Variants in TTLL1 observed in about 807,000 individuals in gnomAD.
TTLL1 encodes the protein polyglutamylase complex subunit TTLL1.
Under a neutral mutation model 47.8 loss-of-function variants are expected in TTLL1, and 33 were observed. That is an observed-to-expected ratio of 0.69 (90% CI 0.52 to 0.92). The LOEUF is 0.92. TTLL1 is among the 40% of genes least tolerant of loss of function. The pLI is 0.00. For missense variants in TTLL1, 488 were observed against 547.5 expected, an observed-to-expected ratio of 0.89 and a Z score of 1.08; for synonymous variants, 225 against 214.1, an observed-to-expected ratio of 1.05 and a Z score of -0.45.
intron 3 of TTLL1, among the ~76,000 whole-genome samples, chr22:43,070,588 T>C (rs6003032): frequency 0.012 from 1,770 of 152,270 alleles, 35 homozygotes; most frequent in African/African-American, 0.038. Flanking sequence ...GAAGGGTTGC[T>C]GTGGATTCCA....
At chr22:43,088,205 G>A (rs1363892636) in intron 1 of TTLL1, among the ~76,000 whole-genome samples, 1 of 151,858 alleles carries the variant, frequency 6.6e-6, no homozygotes, top group Non-Finnish European at 1.5e-5. Flanking sequence ...TGTTGAGCAG[G>A]GCATTCGTTC....
intron 1 of TTLL1, among the ~76,000 whole-genome samples, chr22:43,086,706 G>A (rs1313519372): frequency 2.0e-5 from 3 of 152,116 alleles, no homozygotes; most frequent in Admixed American, 2.0e-4. Context: ...CAGCAAATCA[G>A]GTCAGCTCCA....
chr22:43,067,428 C>T (rs961454299), intron 5 of TTLL1, among the ~76,000 whole-genome samples: 5 of 152,206 alleles, frequency 3.3e-5, no homozygotes, highest in East Asian at 1.9e-4. Context: ...CCTAGGGCCA[C>T]GAGTCCCAGG....
chr22:43,041,772 T>C (rs899876687), intron 10 of TTLL1, among the ~76,000 whole-genome samples: 8 of 152,156 alleles, frequency 5.3e-5, no homozygotes, highest in Non-Finnish European at 8.8e-5. Flanking sequence ...TGCCTCGGTC[T>C]CCCAAAGTGC....
intron 10 of TTLL1, among the ~76,000 whole-genome samples, chr22:43,043,832 A>G (rs1272456410): frequency 6.6e-6 from 1 of 151,814 alleles, no homozygotes; most frequent in Non-Finnish European, 1.5e-5. Flanking sequence ...AGTCACCTCC[A>G]GTCCTCCAGG....
chr22:43,088,322 A>ATTTTTTTTT (rs1929374802), intron 1 of TTLL1, among the ~76,000 whole-genome samples: 1 of 87,854 alleles, frequency 1.1e-5, no homozygotes, highest in African/African-American at 4.9e-5. Context: ...AGAAGGGCCC[A>ATTTTTTTTT]TCTTTTTTTT....
chr22:43,087,539 A>AAG lies in TTLL1; in HGVS notation c.-90+1736_-90+1737dup, dbSNP rs1181141964. 6.6e-3 allele frequency among the ~76,000 whole-genome samples: 1,002 copies of AAG among 150,904 alleles called. 13 individuals are homozygous for AAG. The highest frequency in any genetic ancestry group is 0.021 in the African/African-American group (864 of 40,968). On this transcript the variant is annotated intron_variant, in intron 1 of 10. Transcript: ENST00000266254. Reference sequence around the variant, plus strand: ...ACTCCATCTCAAAAAAAAAAAAAAAAAGAAATACAGATTCTTAGCAGGGCA... The same window carrying AAG: ...ACTCCATCTCAAAAAAAAAAAAAAAAAGAGAAATACAGATTCTTAGCAGGGCA...
At position 43,056,849 on chromosome 22, in the gene TTLL1, T is replaced by C. The variant is rs1015078936; in HGVS notation, c.891+2535A>G. ...TCATGGTCACCCAGACTGGAGTGCATTGGCGTGATCGTGGCTCACTGTACC... is the reference window on the plus strand; with the variant it reads ...TCATGGTCACCCAGACTGGAGTGCACTGGCGTGATCGTGGCTCACTGTACC... On this transcript the variant is annotated intron_variant, in intron 8 of 10. Coordinates refer to ENST00000266254, the MANE Select transcript of TTLL1 (RefSeq NM_012263.5). Among the ~76,000 whole-genome samples the C allele has an allele frequency of 1.8e-4, 27 of 152,124 alleles. 2 individuals carry two copies. Among genetic ancestry groups the C allele is most frequent in the Admixed American group, 1.4e-3 (21 of 15,266 alleles).
intron 2 of TTLL1, among the ~76,000 whole-genome samples, chr22:43,077,351 G>A (rs571348094): frequency 2.1e-4 from 32 of 152,220 alleles, no homozygotes; most frequent in Middle Eastern, 3.4e-3. Context: ...TGGCTAAGCC[G>A]CCTCCCACTC....
chr22:43,081,735 A>C (rs969777408), intron 1 of TTLL1, among the ~76,000 whole-genome samples: 1 of 149,514 alleles, frequency 6.7e-6, no homozygotes, highest in Non-Finnish European at 1.5e-5. Flanking sequence ...TTTACTAGAG[A>C]TGGGGGTTTC....
At chr22:43,075,723 T>C (rs2146987125) in intron 2 of TTLL1, 133 bp from the exon 3 acceptor site, 1 of 768,822 alleles carries the variant, frequency 1.3e-6, no homozygotes, top group South Asian at 1.6e-5. Context: ...CCAGGAGTGA[T>C]TCCATCTCCC....
At chr22:43,071,804 G>T (rs75771757) in intron 3 of TTLL1, among the ~76,000 whole-genome samples, 1,941 of 152,368 alleles carry the variant, frequency 0.013, 49 homozygotes, top group African/African-American at 0.045. Context: ...ATTCAGAAGT[G>T]TAGAGCCAGC....
chr22:43,075,578 C>A lies in TTLL1; in HGVS notation c.9G>T (p.Gly3=), dbSNP rs745972481. 5 of 1,614,138 alleles carry A rather than the reference C, an allele frequency of 3.1e-6. No individual in the cohort carries two copies. Among genetic ancestry groups the A allele is most frequent in the Non-Finnish European group, 4.2e-6 (5 of 1,179,978 alleles). Residue 3 remains glycine, a synonymous_variant, in exon 3 of 11, where the codon GGG becomes GGT. Transcript: ENST00000266254. ...CGATATCAGTGACCCATTTTACTTT[C>A]CCTGCCATAATCCTGGAAGAGATCA... The part of the protein sequence containing the change: MA[G]KVKWVTDIEK...
intron 7 of TTLL1, among the ~76,000 whole-genome samples, chr22:43,060,219 C>A (rs1927307108): frequency 6.6e-6 from 1 of 152,190 alleles, no homozygotes; most frequent in African/African-American, 2.4e-5. Flanking sequence ...GCCGGGATAC[C>A]CTTCAAGACC....
At chr22:43,067,324 C>T (rs1236644351) in intron 5 of TTLL1, among the ~76,000 whole-genome samples, 1 of 152,176 alleles carries the variant, frequency 6.6e-6, no homozygotes, top group African/African-American at 2.4e-5. Context: ...CTGGTGTCCC[C>T]GGTTTACTCA....
At chr22:43,073,917 G>A (rs1221527824) in intron 3 of TTLL1, among the ~76,000 whole-genome samples, 2 of 151,684 alleles carry the variant, frequency 1.3e-5, no homozygotes, top group South Asian at 4.2e-4. Context: ...CACCTCCTGG[G>A]TTCAAGCGAT....
chr22:43,046,455 C>T lies in TTLL1; in HGVS notation c.1097G>A (p.Trp366Ter). The stretch of plus-strand genomic sequence containing the variant: ...GACTTCCTTAGGTGGCGACTTGTTC[C>T]ATTTGCAGTCTGGGATTTCACCATT... Reference protein sequence around the residue: ...VPNGEIPDCKWNKSPPKEVLG... With the variant: ...VPNGEIPDCK The change falls in exon 10 of 11, where the codon TGG becomes TAG. Residue 366 changes from tryptophan to a stop codon, truncating the protein, a stop_gained. Coordinates refer to ENST00000266254, the MANE Select transcript of TTLL1 (RefSeq NM_012263.5). LOFTEE classifies it high-confidence loss of function. 1.9e-6 allele frequency: 3 copies of T among 1,614,038 alleles called. No homozygotes were observed. Among genetic ancestry groups the T allele is most frequent in the Non-Finnish European group, 2.5e-6 (3 of 1,180,018 alleles).
chr22:43,046,355 G>A, intron 10 of TTLL1, 55 bp downstream of exon 10: 1 of 1,599,454 alleles, frequency 6.3e-7, no homozygotes, highest in East Asian at 2.2e-5. Flanking sequence ...CTGGGCTATG[G>A]CACACGCCAT....
intron 3 of TTLL1, chr22:43,070,283 G>C: frequency 9.2e-7 from 1 of 1,085,878 alleles, no homozygotes; most frequent in Non-Finnish European, 1.3e-6. Flanking sequence ...AGGGCCCTGA[G>C]TCAGTATTTG....
Sources: allele counts gnomAD v4.1 joint callset (sites outside exome capture counted in the v4.1 genomes callset), GRCh38; gene constraint gnomAD v4.1.1; transcripts MANE v1.5; gene names NCBI Gene and HGNC (gene_info 2026-07-23, HGNC 2026-07-21).